Variants in IGSF3 observed in about 807,000 individuals in gnomAD.
The protein encoded by IGSF3 is glu-Trp-Ile EWI motif-containing protein 3.
In IGSF3, 23 loss-of-function variants were observed where a neutral mutation model predicts 114.4. That is an observed-to-expected ratio of 0.20 (90% CI 0.14 to 0.28). The LOEUF (loss-of-function observed/expected upper bound fraction) is 0.28. Among genes scored for constraint, IGSF3 ranks in the 10% least tolerant of loss-of-function variants. The pLI is 1.00. For synonymous variants in IGSF3, 571 were observed against 645.2 expected, an observed-to-expected ratio of 0.88 and a Z score of 1.74; for missense variants, 1,172 against 1,591.5, an observed-to-expected ratio of 0.74 and a Z score of 4.48.
intron 2 of IGSF3, among the ~76,000 whole-genome samples, chr1:116,653,838 C>T (rs368913282): frequency 6.6e-6 from 1 of 152,210 alleles, no homozygotes; most frequent in Non-Finnish European, 1.5e-5. Flanking sequence ...GGTGCCGAAA[C>T]GCAGAACTGG....
chr1:116,633,071 A>G lies in IGSF3; in HGVS notation c.44-16614T>C, dbSNP rs1023689912. Among the ~76,000 whole-genome samples the G allele has an allele frequency of 3.3e-5, 5 of 152,234 alleles. No individual in the cohort carries two copies. The highest frequency in any genetic ancestry group is 7.3e-5 in the Non-Finnish European group (5 of 68,034). ...GACCAATGCTGCACGCTGCAGAGAC[A>G]CAGTCTTTGGGTTCTGTGAGCTGTA... On this transcript the variant is annotated intron_variant, in intron 2 of 10. Transcript: ENST00000369486. The surrounding 1 kb of genome is among the most constrained non-coding windows in gnomAD (Gnocchi z 4.3).
chr1:116,586,943 G>A (rs1413186003), intron 8 of IGSF3, among the ~76,000 whole-genome samples: 3 of 152,076 alleles, frequency 2.0e-5, no homozygotes, highest in Admixed American at 1.3e-4. Context: ...TCAGACCAGA[G>A]CTTCCTGTTT....
At position 116,584,887 on chromosome 1, in the gene IGSF3, C is replaced by G; in HGVS notation, c.2606G>C (p.Arg869Pro). ...PNHPERETVA[R>P]LSRDATFHYG... ...GTGGAAGGTGGCGTCACGGCTCAAGCGGGCCACAGTCTCCCGCTCAGGGTG... is the reference window on the plus strand; with the variant it reads ...GTGGAAGGTGGCGTCACGGCTCAAGGGGGCCACAGTCTCCCGCTCAGGGTG... The change falls in exon 9 of 11, where the codon CGC becomes CCC. Residue 869 changes from arginine to proline, a missense_variant. Arg to Pro is a moderately radical substitution (Grantham distance 103). Coordinates refer to ENST00000369486, the MANE Select transcript of IGSF3 (RefSeq NM_001007237.3). This position sits in a 1 kb window ranked among gnomAD's most constrained non-coding sequence, Gnocchi z 5.8. The G allele has an allele frequency of 6.2e-7, 1 of 1,614,194 alleles. No homozygotes were observed. Among genetic ancestry groups the G allele is most frequent in the South Asian group, 1.1e-5 (1 of 91,082 alleles).
chr1:116,612,565 G>C lies in IGSF3; in HGVS notation c.832+1200C>G, dbSNP rs1661063471. Among the ~76,000 whole-genome samples, 1 of 152,240 alleles carries C rather than the reference G, an allele frequency of 6.6e-6. No homozygotes were observed. The highest frequency in any genetic ancestry group is 1.5e-5 in the Non-Finnish European group (1 of 68,042). On this transcript the variant is annotated intron_variant, in intron 4 of 10. Transcript: ENST00000369486. The surrounding 1 kb of genome is among the most constrained non-coding windows in gnomAD (Gnocchi z 4.1). Reference sequence around the variant, plus strand: ...TCTGAAGCATTACTCTAGAATGGCAGAGAAAGTATGCAAAGACCCAGACAA... The same window carrying C: ...TCTGAAGCATTACTCTAGAATGGCACAGAAAGTATGCAAAGACCCAGACAA...
rs10489537 is a variant in IGSF3 at position 116,612,288 on chromosome 1, C to T, written c.832+1477G>A. Among the ~76,000 whole-genome samples, 10,452 of 152,144 alleles carry T rather than the reference C, an allele frequency of 0.069. 1,177 individuals carry two copies. The highest frequency in any genetic ancestry group is 0.24 in the African/African-American group (9,764 of 41,448). ...GAAAGATCCAGAAGCTGCTAAATGT[C>T]CTACAGAGCAGATAAAGTGCTCCCT... On this transcript the variant is annotated intron_variant, in intron 4 of 10. Transcript: ENST00000369486. This position sits in a 1 kb window ranked among gnomAD's most constrained non-coding sequence, Gnocchi z 4.1.
rs896505282 is a variant in IGSF3 at position 116,598,277 on chromosome 1, A to G, written c.2029+1664T>C. Among the ~76,000 whole-genome samples, 1 of 152,196 alleles carries G rather than the reference A, an allele frequency of 6.6e-6. No homozygotes were observed. Among genetic ancestry groups the G allele is most frequent in the Non-Finnish European group, 1.5e-5 (1 of 68,026 alleles). On this transcript the variant is annotated intron_variant, in intron 7 of 10. Transcript: ENST00000369486. This position sits in a 1 kb window ranked among gnomAD's most constrained non-coding sequence, Gnocchi z 4.3. ...AGAGGGGACAAAAAAAAAAGGTGCA[A>G]TTACAATCCTAATGTCCCACTCAAT... is the stretch of plus-strand genomic sequence containing the variant.
rs544451116 is a variant in IGSF3 at position 116,632,873 on chromosome 1, T to C, written c.44-16416A>G. On this transcript the variant is annotated intron_variant, in intron 2 of 10. Transcript: ENST00000369486. The surrounding 1 kb of genome is among the most constrained non-coding windows in gnomAD (Gnocchi z 5.1). ...TCTAAATCTCCATGGCTAGGGACAG[T>C]GACATCAGTGTGTTTACCAAGCATT... Among the ~76,000 whole-genome samples, 4 of 152,318 alleles carry C rather than the reference T, an allele frequency of 2.6e-5. No individual in the cohort carries two copies. Among genetic ancestry groups the C allele is most frequent in the Admixed American group, 2.6e-4 (4 of 15,306 alleles).
rs1557889511 is a variant in IGSF3, at chr1:116,661,295, A to G, written c.43+4989T>C. 1.4e-5 allele frequency among the ~76,000 whole-genome samples: 2 copies of G among 142,376 alleles called. No homozygotes were observed. Among genetic ancestry groups the G allele is most frequent in the South Asian group, 4.1e-4 (2 of 4,826 alleles). The allele number at this position is 142,376 out of a possible 152,430, so 93.4% of individuals were successfully genotyped here. A position where few individuals can be genotyped will look rare whatever the true frequency, so the allele number is the denominator to read the frequency against. ...GCAACAGTGTGAGACTCCATCTCAA[A>G]AAAAATAAAATAACTGAACACCTGC... On this transcript the variant is annotated intron_variant, in intron 2 of 10. Transcript: ENST00000369486. The surrounding 1 kb of genome is among the most constrained non-coding windows in gnomAD (Gnocchi z 4.0).
chr1:116,643,431 C>CGACA (rs1335328637), intron 2 of IGSF3, among the ~76,000 whole-genome samples: 1 of 152,230 alleles, frequency 6.6e-6, no homozygotes, highest in East Asian at 1.9e-4. Flanking sequence ...CTCACTCCTC[C>CGACA]GACAGTCGTT....
Position 116,595,929 on chromosome 1 carries a change from C to T in IGSF3, c.2029+4012G>A, listed in dbSNP as rs767374950. ...CTTGCCTAAGCACCCCTTGAGGGGT[C>T]ACACTATGTGATCAATGGGGATCAG... On this transcript the variant is annotated intron_variant, in intron 7 of 10. Transcript: ENST00000369486. This position sits in a 1 kb window ranked among gnomAD's most constrained non-coding sequence, Gnocchi z 4.2. Among the ~76,000 whole-genome samples the T allele has an allele frequency of 4.6e-5, 7 of 152,228 alleles. No homozygotes were observed. Among genetic ancestry groups the T allele is most frequent in the Non-Finnish European group, 5.9e-5 (4 of 68,042 alleles).
chr1:116,602,396 C>T (rs1003299134), intron 6 of IGSF3, among the ~76,000 whole-genome samples: 55 of 151,428 alleles, frequency 3.6e-4, no homozygotes, highest in African/African-American at 1.3e-3. Flanking sequence ...ACTGGACATC[C>T]AAAAGTTGTC....
rs2101255551 is a variant in IGSF3 at position 116,574,412 on chromosome 1, T to G, written c.*2900A>C. 6.5e-6 allele frequency: 1 copy of G among 152,760 alleles called. No homozygotes were observed. Among genetic ancestry groups the G allele is most frequent in the African/African-American group, 2.4e-5 (1 of 41,566 alleles). 9.5% of individuals were successfully genotyped at this position (152,760 alleles called of 1,614,324 possible). A position where few individuals can be genotyped will look rare whatever the true frequency, so the allele number is the denominator to read the frequency against. ...TGCAGTAAATGTAAACAGCCGTATT[T>G]TCAACATAATTTACTACAGGTCTCT... On this transcript the variant is annotated 3_prime_UTR_variant, in exon 11 of 11. Coordinates refer to ENST00000369486, the MANE Select transcript of IGSF3 (RefSeq NM_001007237.3). The surrounding 1 kb of genome is among the most constrained non-coding windows in gnomAD (Gnocchi z 5.2).
chr1:116,667,262 G>C (rs931198343), intron 1 of IGSF3, among the ~76,000 whole-genome samples: 8 of 152,288 alleles, frequency 5.3e-5, no homozygotes, highest in African/African-American at 1.9e-4. Context: ...AGGGCAAATC[G>C]GGAAGGGGCT....
chr1:116,630,825 T>C (rs1647540871), intron 2 of IGSF3, among the ~76,000 whole-genome samples: 1 of 152,070 alleles, frequency 6.6e-6, no homozygotes, highest in Non-Finnish European at 1.5e-5. Flanking sequence ...TGCTAGATCA[T>C]GGTGGGGTGG....
At position 116,589,151 on chromosome 1, in the gene IGSF3, C is replaced by T. The variant is rs1319972571; in HGVS notation, c.2030-47G>A. ...AGGAATCACCACAGACTCCCAGAAA[C>T]GTGGCCCATCCACCTCCAGGCTCTG... On this transcript the variant is annotated intron_variant, in intron 7 of 10. Transcript: ENST00000369486. This position sits in a 1 kb window ranked among gnomAD's most constrained non-coding sequence, Gnocchi z 5.7. 6.5e-6 allele frequency: 10 copies of T among 1,545,688 alleles called. No homozygotes were observed. In the African/African-American group the frequency reaches 6.8e-5, roughly 11 times the overall value.
intron 2 of IGSF3, among the ~76,000 whole-genome samples, chr1:116,635,400 T>C (rs1647780716): frequency 6.6e-6 from 1 of 152,180 alleles, no homozygotes; most frequent in Non-Finnish European, 1.5e-5. Context: ...CATTTCTTAA[T>C]ATGACCCTCA....
At chr1:116,617,537 T>A (rs955408432) in intron 2 of IGSF3, among the ~76,000 whole-genome samples, 1 of 152,326 alleles carries the variant, frequency 6.6e-6, no homozygotes, top group East Asian at 1.9e-4. Context: ...ATCTATCACA[T>A]GATTTCTAAG....
rs1647633461 is a variant in IGSF3, at chr1:116,632,444, C to T, written c.44-15987G>A. On this transcript the variant is annotated intron_variant, in intron 2 of 10. Transcript: ENST00000369486. The surrounding 1 kb of genome is among the most constrained non-coding windows in gnomAD (Gnocchi z 5.1). ...CAGGACTCAAGCAGCATCTGAGAAG[C>T]CACTTTCAACATAACTATGGAACAG... 6.6e-6 allele frequency among the ~76,000 whole-genome samples: 1 copy of T among 152,128 alleles called. No homozygotes were observed. The highest frequency in any genetic ancestry group is 2.4e-5 in the African/African-American group (1 of 41,416).
rs1661225313 is a variant in IGSF3, at chr1:116,616,495, C to T, written c.44-38G>A. The T allele has an allele frequency of 1.9e-6, 3 of 1,542,210 alleles. No homozygotes were observed. Among genetic ancestry groups the T allele is most frequent in the Non-Finnish European group, 1.8e-6 (2 of 1,140,770 alleles). ...GAAACACACACAACATGCTTACTTA[C>T]TTCTCAGACCAAAATGCAAAGTAGC... On this transcript the variant is annotated intron_variant, in intron 2 of 10. Coordinates refer to ENST00000369486, the MANE Select transcript of IGSF3 (RefSeq NM_001007237.3). This position sits in a 1 kb window ranked among gnomAD's most constrained non-coding sequence, Gnocchi z 6.6.
Sources: allele counts gnomAD v4.1 joint callset (sites outside exome capture counted in the v4.1 genomes callset), GRCh38; gene constraint gnomAD v4.1.1; non-coding constraint Gnocchi (gnomAD v3.1); transcripts MANE v1.5; gene names NCBI Gene and HGNC (gene_info 2026-07-23, HGNC 2026-07-21).